Variants in CNBD1 observed in about 807,000 individuals in gnomAD.
CNBD1 encodes the protein cyclic nucleotide binding domain containing 1, also known as cyclic nucleotide-binding domain-containing protein 1.
A neutral mutation model predicts 54.4 loss-of-function variants in CNBD1; 71 were observed. The ratio of observed to expected loss-of-function variants is 1.30; its 90% CI spans 1.08 to 1.59. The LOEUF (loss-of-function observed/expected upper bound fraction) is 1.59, where lower values mean the gene tolerates loss of function less well. Among genes scored for constraint, CNBD1 ranks in the 40% most tolerant of loss-of-function variants. The pLI is 0.00. For missense variants in CNBD1, 659 were observed against 518.0 expected, an observed-to-expected ratio of 1.27 and a Z score of -2.64; for synonymous variants, 182 against 170.7, an observed-to-expected ratio of 1.07 and a Z score of -0.51.
At chr8:87,243,788 A>C (rs1200821730) in intron 6 of CNBD1, among the ~76,000 whole-genome samples, 1 of 152,228 alleles carries the variant, frequency 6.6e-6, no homozygotes, top group East Asian at 1.9e-4. Context: ...CAATTAAACA[A>C]AAATACATAA....
chr8:87,282,829 T>C (rs1345819667), intron 6 of CNBD1, among the ~76,000 whole-genome samples: 1 of 152,046 alleles, frequency 6.6e-6, no homozygotes, highest in Non-Finnish European at 1.5e-5. Context: ...CTTGAAATTA[T>C]TGCTAGCTAA....
intron 10 of CNBD1, among the ~76,000 whole-genome samples, chr8:87,364,542 G>T (rs1367317748): frequency 6.6e-6 from 1 of 151,466 alleles, no homozygotes; most frequent in African/African-American, 2.4e-5. Context: ...TTGTTATATA[G>T]GTAAACTCAT....
intron 4 of CNBD1, among the ~76,000 whole-genome samples, chr8:87,194,912 C>A (rs1204342618): frequency 6.6e-6 from 1 of 151,862 alleles, no homozygotes; most frequent in Non-Finnish European, 1.5e-5. Context: ...GAGACAGAGT[C>A]TCGCCCTGTC....
At chr8:87,030,715 T>C (rs1809762678) in intron 4 of CNBD1, among the ~76,000 whole-genome samples, 1 of 152,098 alleles carries the variant, frequency 6.6e-6, no homozygotes, top group Admixed American at 6.6e-5. Context: ...TGAAGCAGGA[T>C]GTGCAGTGAT....
chr8:87,375,411 A>C (rs767362033), intron 10 of CNBD1, among the ~76,000 whole-genome samples: 1 of 151,894 alleles, frequency 6.6e-6, no homozygotes, highest in South Asian at 2.1e-4. Context: ...TTTGTAAACT[A>C]TGTTAGATAA....
intron 8 of CNBD1, among the ~76,000 whole-genome samples, chr8:87,315,371 T>A (rs574734457): frequency 1.3e-5 from 2 of 152,196 alleles, no homozygotes; most frequent in South Asian, 4.1e-4. Context: ...AGGTAATTTA[T>A]TTTAAAAATA....
chr8:87,105,990 A>G (rs1476700267), intron 4 of CNBD1, among the ~76,000 whole-genome samples: 1 of 152,166 alleles, frequency 6.6e-6, no homozygotes, highest in Non-Finnish European at 1.5e-5. Flanking sequence ...CTGACCCTTG[A>G]CAAGTCATCA....
rs142901097 is a variant in CNBD1, at chr8:87,265,768, A to G, written c.772-18910A>G. On this transcript the variant is annotated intron_variant, in intron 6 of 10. Transcript: ENST00000518476. ...AGCAGAGTAGAATAATTGTGACAGAAACTATATGGTCTGCAAAACTGAAAA... is the reference window on the plus strand; with the variant it reads ...AGCAGAGTAGAATAATTGTGACAGAGACTATATGGTCTGCAAAACTGAAAA... 4.3e-3 allele frequency among the ~76,000 whole-genome samples: 651 copies of G among 152,230 alleles called. 1 individual carries two copies. Among genetic ancestry groups the G allele is most frequent in the Non-Finnish European group, 6.5e-3 (439 of 68,014 alleles).
At chr8:87,376,008 A>C (rs1241580108) in intron 10 of CNBD1, among the ~76,000 whole-genome samples, 1 of 151,914 alleles carries the variant, frequency 6.6e-6, no homozygotes, top group African/African-American at 2.4e-5. Context: ...TTGGTTGGCA[A>C]ATTTAAAAAT....
At chr8:86,911,996 A>G (rs1809107483) in intron 3 of CNBD1, among the ~76,000 whole-genome samples, 1 of 152,148 alleles carries the variant, frequency 6.6e-6, no homozygotes, top group Non-Finnish European at 1.5e-5. Flanking sequence ...AAGATATTCC[A>G]TGCCCCGGAC....
chr8:87,277,293 T>G (rs1244251110), intron 6 of CNBD1, among the ~76,000 whole-genome samples: 2 of 151,666 alleles, frequency 1.3e-5, no homozygotes, highest in Non-Finnish European at 3.0e-5. Context: ...AAGGTCAGCC[T>G]TTTATGCTAT....
intron 5 of CNBD1, among the ~76,000 whole-genome samples, chr8:87,228,891 A>T (rs1287866003): frequency 6.6e-6 from 1 of 152,184 alleles, no homozygotes; most frequent in East Asian, 1.9e-4. Flanking sequence ...GCAATCAGCG[A>T]GACTCTGTGG....
intron 4 of CNBD1, among the ~76,000 whole-genome samples, chr8:86,991,936 A>G (rs1247990879): frequency 1.3e-5 from 2 of 152,142 alleles, no homozygotes; most frequent in Non-Finnish European, 2.9e-5. Flanking sequence ...CTGAGCATGT[A>G]GTTGATCTTA....
rs1298063563 is a variant in CNBD1, at chr8:86,974,934, TC to T, written c.431+35183del. Among the ~76,000 whole-genome samples, 4 of 152,062 alleles carry T rather than the reference TC, an allele frequency of 2.6e-5. No homozygotes were observed. In the East Asian group the frequency reaches 7.7e-4, roughly 29 times the overall value. Reference sequence around the variant, plus strand: ...GTAAATAACCTTAAAATAAGTCTATTCCCATTTACAAATGCAAACACTAAAA... The same window carrying T: ...GTAAATAACCTTAAAATAAGTCTATTCCATTTACAAATGCAAACACTAAAA... On this transcript the variant is annotated intron_variant, in intron 4 of 10. Transcript: ENST00000518476.
At chr8:86,926,614 G>A (rs1427994891) in intron 3 of CNBD1, among the ~76,000 whole-genome samples, 1 of 152,010 alleles carries the variant, frequency 6.6e-6, no homozygotes, top group African/African-American at 2.4e-5. Flanking sequence ...GTAAACACCA[G>A]GTGGGTCTCA....
At chr8:87,225,894 A>G (rs954157901) in intron 5 of CNBD1, among the ~76,000 whole-genome samples, 2 of 148,926 alleles carry the variant, frequency 1.3e-5, no homozygotes, top group Non-Finnish European at 3.0e-5. Context: ...TTGGTAAGCT[A>G]TTGATTATTG....
chr8:87,231,218 A>C (rs1008150282), intron 5 of CNBD1, among the ~76,000 whole-genome samples: 4 of 152,176 alleles, frequency 2.6e-5, no homozygotes, highest in African/African-American at 9.7e-5. Flanking sequence ...TAAACTTTTT[A>C]AGTGAACATA....
intron 2 of CNBD1, among the ~76,000 whole-genome samples, chr8:86,894,305 C>T (rs889550503): frequency 1.3e-5 from 2 of 151,676 alleles, no homozygotes; most frequent in Admixed American, 1.3e-4. Flanking sequence ...TCATGATCCA[C>T]CCGCCTCGGC....
intron 4 of CNBD1, among the ~76,000 whole-genome samples, chr8:87,099,900 G>T (rs904050998): frequency 2.0e-5 from 3 of 152,138 alleles, no homozygotes; most frequent in Non-Finnish European, 4.4e-5. Flanking sequence ...CATTGCCAAG[G>T]ATCATTCTGT....
Sources: allele counts gnomAD v4.1 joint callset (sites outside exome capture counted in the v4.1 genomes callset), GRCh38; gene constraint gnomAD v4.1.1; transcripts MANE v1.5; gene names NCBI Gene and HGNC (gene_info 2026-07-23, HGNC 2026-07-21).